The following GBE1 variants were observed in gnomAD, a reference collection of about 807,000 sequenced individuals.
GBE1 encodes the protein 1,4-alpha-glucan-branching enzyme.
GBE1 carries 70 observed loss-of-function variants against 88.8 expected under a neutral mutation model. That is an observed-to-expected ratio of 0.79 (90% CI 0.65 to 0.96). The LOEUF is 0.96. Among genes scored for constraint, GBE1 ranks in the 40% least tolerant of loss-of-function variants. The pLI is 0.00. For synonymous variants in GBE1, 284 were observed against 300.1 expected, an observed-to-expected ratio of 0.95 and a Z score of 0.56; for missense variants, 872 against 871.0, an observed-to-expected ratio of 1.00 and a Z score of -0.01.
chr3:81,491,176 T>C (rs956258786), intron 15 of GBE1, among the ~76,000 whole-genome samples: 8 of 152,234 alleles, frequency 5.3e-5, no homozygotes, highest in Admixed American at 2.6e-4. Context: ...TTTGCCTTGC[T>C]GGTTCCTTAT....
chr3:81,604,604 T>C (rs1704079820), intron 7 of GBE1, among the ~76,000 whole-genome samples: 1 of 152,052 alleles, frequency 6.6e-6, no homozygotes, highest in Non-Finnish European at 1.5e-5. Context: ...GCAGTAAAAA[T>C]AAACAAATTG....
intron 1 of GBE1, among the ~76,000 whole-genome samples, chr3:81,757,408 C>T (rs1423009254): frequency 2.6e-5 from 4 of 152,200 alleles, no homozygotes; most frequent in Non-Finnish European, 5.9e-5. Context: ...ATCCATTCTA[C>T]TTACTCTGTT....
At chr3:81,616,033 T>A (rs1704243982) in intron 7 of GBE1, among the ~76,000 whole-genome samples, 1 of 152,180 alleles carries the variant, frequency 6.6e-6, no homozygotes, top group African/African-American at 2.4e-5. Flanking sequence ...TATATTTTCA[T>A]CTGCTTATTG....
rs143885787 is a variant in GBE1 at position 81,524,151 on chromosome 3, A to C, written c.1934+11044T>G. Among the ~76,000 whole-genome samples, 523 of 151,912 alleles carry C rather than the reference A, an allele frequency of 3.4e-3. 2 individuals carry two copies. The highest frequency in any genetic ancestry group is 0.012 in the African/African-American group (494 of 41,506). On this transcript the variant is annotated intron_variant, in intron 14 of 15. Coordinates refer to ENST00000429644, the MANE Select transcript of GBE1 (RefSeq NM_000158.4). The stretch of plus-strand genomic sequence containing the variant: ...AGGGTTCTACTTGCTCCACATCCTC[A>C]CCAGGATCGTTACTGCCTGTCTTTT...
intron 12 of GBE1, among the ~76,000 whole-genome samples, chr3:81,555,269 TAAAC>T (rs1703331743): frequency 6.6e-6 from 1 of 152,150 alleles, no homozygotes; most frequent in Non-Finnish European, 1.5e-5. Flanking sequence ...TGAACATACA[TAAAC>T]AAACAATCTA....
intron 2 of GBE1, among the ~76,000 whole-genome samples, chr3:81,684,160 C>T (rs1705397333): frequency 6.6e-6 from 1 of 152,114 alleles, no homozygotes; most frequent in African/African-American, 2.4e-5. Flanking sequence ...AAGACCAAAT[C>T]ACAGAGCTAC....
chr3:81,708,829 T>A (rs1229747582), intron 1 of GBE1, among the ~76,000 whole-genome samples: 4 of 151,854 alleles, frequency 2.6e-5, no homozygotes, highest in African/African-American at 9.7e-5. Flanking sequence ...ATGACAACCA[T>A]CAAAAAAAAT....
At chr3:81,597,391 G>A (rs1380677337) in intron 7 of GBE1, among the ~76,000 whole-genome samples, 1 of 149,980 alleles carries the variant, frequency 6.7e-6, no homozygotes, top group East Asian at 1.9e-4. Flanking sequence ...ACAATTGGAG[G>A]AGCTAGATGC....
intron 1 of GBE1, among the ~76,000 whole-genome samples, chr3:81,750,629 ACG>A (rs1378001924): frequency 0.021 from 832 of 40,202 alleles, 55 homozygotes; most frequent in East Asian, 0.15. Flanking sequence ...ATATATATAT[ACG>A]TATATATATA....
chr3:81,587,313 A>G (rs1161916907), intron 9 of GBE1, among the ~76,000 whole-genome samples: 2 of 152,200 alleles, frequency 1.3e-5, no homozygotes, highest in African/African-American at 2.4e-5. Flanking sequence ...TATCAATTCT[A>G]ATTCCACAAT....
chr3:81,606,463 C>A (rs118032447), intron 7 of GBE1, among the ~76,000 whole-genome samples: 1 of 152,208 alleles, frequency 6.6e-6, no homozygotes, highest in East Asian at 1.9e-4. Flanking sequence ...GAAGACCCTG[C>A]GCTATTTAAC....
At chr3:81,616,052 T>C (rs1162761700) in intron 7 of GBE1, among the ~76,000 whole-genome samples, 2 of 152,158 alleles carry the variant, frequency 1.3e-5, no homozygotes, top group Admixed American at 1.3e-4. Flanking sequence ...TGGCCATCTA[T>C]ATATTCTGTT....
intron 3 of GBE1, among the ~76,000 whole-genome samples, chr3:81,659,265 A>G (rs890546748): frequency 6.6e-6 from 1 of 152,124 alleles, no homozygotes; most frequent in Non-Finnish European, 1.5e-5. Context: ...TATAATTACA[A>G]AAGTCTATGT....
intron 7 of GBE1, among the ~76,000 whole-genome samples, chr3:81,597,124 G>A (rs544777703): frequency 5.6e-4 from 85 of 151,930 alleles, no homozygotes; most frequent in Admixed American, 1.7e-3. Flanking sequence ...TTGAGTCAGA[G>A]TATAACAATG....
intron 7 of GBE1, among the ~76,000 whole-genome samples, chr3:81,620,647 A>G (rs1039366241): frequency 6.6e-6 from 1 of 152,174 alleles, no homozygotes; most frequent in Non-Finnish European, 1.5e-5. Context: ...GGTCCGGTAA[A>G]AAGAGTAAAA....
At chr3:81,619,133 AGCATTTGTCTCT>A in intron 7 of GBE1, among the ~76,000 whole-genome samples, 1 of 152,244 alleles carries the variant, frequency 6.6e-6, no homozygotes, top group South Asian at 2.1e-4. Flanking sequence ...TGATATATTT[AGCATTTGTCTCT>A]GCCCTATAAA....
chr3:81,750,617 G>A lies in GBE1; in HGVS notation c.143+10758C>T, dbSNP rs1209914857. On this transcript the variant is annotated intron_variant, in intron 1 of 15. Coordinates refer to ENST00000429644, the MANE Select transcript of GBE1 (RefSeq NM_000158.4). ...TATATATATGTGTATATATATATAT[G>A]TATATATATATACGTATATATATAT... Among the ~76,000 whole-genome samples, 67 of 42,126 alleles carry A rather than the reference G, an allele frequency of 1.6e-3. 3 individuals carry two copies. Among genetic ancestry groups the A allele is most frequent in the African/African-American group, 4.9e-3 (34 of 6,918 alleles). 27.6% of individuals were successfully genotyped at this position (42,126 alleles called of 152,430 possible). A position where few individuals can be genotyped will look rare whatever the true frequency, so the allele number is the denominator to read the frequency against.
intron 14 of GBE1, among the ~76,000 whole-genome samples, chr3:81,506,602 T>C (rs1204525892): frequency 2.0e-5 from 3 of 152,148 alleles, no homozygotes; most frequent in Non-Finnish European, 4.4e-5. Context: ...CAGTCTATTA[T>C]AAAGACACAT....
chr3:81,535,434 T>C lies in GBE1; in HGVS notation c.1804-109A>G, dbSNP rs545487783. ...CTGGTTATTAAACCAAAAATGAGTA[T>C]TTCAGAACACTATATTTTTTTGAAC... is the stretch of plus-strand genomic sequence containing the variant. On this transcript the variant is annotated intron_variant, in intron 13 of 15. Transcript: ENST00000429644. The C allele has an allele frequency of 2.3e-4, 227 of 989,580 alleles. No individual in the cohort carries two copies. The African/African-American group carries it at 3.4e-3, about 15-fold the overall frequency. The allele number at this position is 989,580 out of a possible 1,614,324, so 61.3% of individuals were successfully genotyped here.
Sources: allele counts gnomAD v4.1 joint callset (sites outside exome capture counted in the v4.1 genomes callset), GRCh38; gene constraint gnomAD v4.1.1; transcripts MANE v1.5; gene names NCBI Gene and HGNC (gene_info 2026-07-23, HGNC 2026-07-21).